Variants in CORO2A observed in about 807,000 individuals in gnomAD.
CORO2A encodes coronin 2A.
Under a neutral mutation model 62.4 loss-of-function variants are expected in CORO2A, and 47 were observed. That is an observed-to-expected ratio of 0.75 (90% CI 0.60 to 0.96). The LOEUF (loss-of-function observed/expected upper bound fraction) is 0.96, where lower values mean the gene tolerates loss of function less well. Ranked by LOEUF, CORO2A falls within the 40% of genes least tolerant of loss-of-function variation. CORO2A has a pLI of 0.00. For synonymous variants in CORO2A, 273 were observed against 268.9 expected, an observed-to-expected ratio of 1.02 and a Z score of -0.15; for missense variants, 610 against 684.1, an observed-to-expected ratio of 0.89 and a Z score of 1.21.
intron 2 of CORO2A, among the ~76,000 whole-genome samples, chr9:98,149,012 C>T (rs560624788): frequency 6.6e-6 from 1 of 152,144 alleles, no homozygotes; most frequent in African/African-American, 2.4e-5. Flanking sequence ...TGGAGGGGAA[C>T]AGATCTTTGT....
rs528218578 is a variant in CORO2A, at chr9:98,126,531, C to T, written c.1446+18G>A. The T allele has an allele frequency of 2.5e-6, 4 of 1,607,008 alleles. No individual in the cohort carries two copies. Among genetic ancestry groups the T allele is most frequent in the South Asian group, 2.2e-5 (2 of 90,432 alleles). Reference sequence around the variant, plus strand: ...CCAGCTGCCCCATGTGAAAGGCCCACCCCGTCCTCCTTCACACCTCATTCT... The same window carrying T: ...CCAGCTGCCCCATGTGAAAGGCCCATCCCGTCCTCCTTCACACCTCATTCT... On this transcript the variant is annotated intron_variant, in intron 11 of 11. Transcript: ENST00000375077.
chr9:98,161,654 G>C (rs910618704), intron 1 of CORO2A, among the ~76,000 whole-genome samples: 3 of 152,158 alleles, frequency 2.0e-5, no homozygotes, highest in Non-Finnish European at 4.4e-5. Flanking sequence ...GGAAAGGATA[G>C]AGCAGGTAAG....
chr9:98,159,926 C>A (rs1186946440), intron 1 of CORO2A, among the ~76,000 whole-genome samples: 2 of 152,170 alleles, frequency 1.3e-5, no homozygotes, highest in African/African-American at 2.4e-5. Context: ...AAGATGCTCA[C>A]CCAGCCCACA....
chr9:98,150,089 G>A (rs538026744), intron 2 of CORO2A, among the ~76,000 whole-genome samples: 47 of 152,004 alleles, frequency 3.1e-4, no homozygotes, highest in African/African-American at 8.7e-4. Flanking sequence ...CTGCCACCAC[G>A]CCCAACTAAT....
chr9:98,160,379 A>G (rs1442580885), intron 1 of CORO2A, among the ~76,000 whole-genome samples: 1 of 152,220 alleles, frequency 6.6e-6, no homozygotes, highest in Non-Finnish European at 1.5e-5. Context: ...GGTCCACCAC[A>G]CAGAGGAGGT....
At chr9:98,179,562 G>A (rs2118928454) in intron 1 of CORO2A, among the ~76,000 whole-genome samples, 1 of 152,280 alleles carries the variant, frequency 6.6e-6, no homozygotes, top group Admixed American at 6.5e-5. Flanking sequence ...TAGCTTCTCA[G>A]CTGGGGATTC....
At chr9:98,153,561 T>C (rs1341623268) in intron 2 of CORO2A, among the ~76,000 whole-genome samples, 1 of 151,880 alleles carries the variant, frequency 6.6e-6, no homozygotes, top group Non-Finnish European at 1.5e-5. Flanking sequence ...TGTGTACCAC[T>C]GTGCCCAGCT....
At chr9:98,132,367 G>C in intron 5 of CORO2A, 66 bp from the exon 6 acceptor site, 1 of 1,360,346 alleles carries the variant, frequency 7.4e-7, no homozygotes, top group South Asian at 1.2e-5. Context: ...GGGGTTTCTG[G>C]CCTCCCTGCT....
At chr9:98,163,662 G>C (rs1827918026) in intron 1 of CORO2A, among the ~76,000 whole-genome samples, 2 of 152,008 alleles carry the variant, frequency 1.3e-5, no homozygotes. Context: ...CTAGTTGAGA[G>C]ACCCCTCTTC....
At position 98,157,564 on chromosome 9, in the gene CORO2A, G is replaced by A. The variant is rs770982762; in HGVS notation, c.97C>T (p.Arg33Cys). The A allele has an allele frequency of 3.4e-5, 55 of 1,614,082 alleles. No individual in the cohort carries two copies. The highest frequency in any genetic ancestry group is 4.2e-5 in the Non-Finnish European group (49 of 1,180,046). The change falls in exon 2 of 12, where the codon CGC becomes TGC. Residue 33 changes from arginine to cysteine, a missense_variant. Coordinates refer to ENST00000375077, the MANE Select transcript of CORO2A (RefSeq NM_052820.4). The stretch of plus-strand genomic sequence containing the variant: ...CAGAAGTGGTTGTCGTGAACGCTGC[G>A]GGTGATAGGCACGGAGTCGTAGCAG... ...ENCYDSVPITRSVHDNHFCAV... is the reference protein window; with the variant it reads ...ENCYDSVPITCSVHDNHFCAV...
chr9:98,137,485 C>T lies in CORO2A; in HGVS notation c.318+87G>A, dbSNP rs535882922. ...CACCTCCGCGATGGAGTCAGGGGCA[C>T]CAGAGCCAAGAACAGGTACCATTCC... On this transcript the variant is annotated intron_variant, in intron 3 of 11. Transcript: ENST00000375077. The T allele has an allele frequency of 6.4e-6, 7 of 1,086,158 alleles. No individual in the cohort carries two copies. The East Asian group carries it at 1.7e-4, about 26-fold the overall frequency. 67.3% of individuals were successfully genotyped at this position (1,086,158 alleles called of 1,614,324 possible). A position where few individuals can be genotyped will look rare whatever the true frequency, so the allele number is the denominator to read the frequency against.
intron 1 of CORO2A, among the ~76,000 whole-genome samples, chr9:98,158,090 G>A (rs962952838): frequency 1.3e-5 from 2 of 152,168 alleles, no homozygotes; most frequent in African/African-American, 4.8e-5. Flanking sequence ...CTTATCAGCT[G>A]GATGGCAAGT....
chr9:98,131,101 G>A, intron 6 of CORO2A, 42 bp from the exon 7 acceptor site: 2 of 1,413,816 alleles, frequency 1.4e-6, no homozygotes, highest in Non-Finnish European at 2.0e-6. Context: ...GGTCACTCCT[G>A]GGGGCCCTCA....
intron 2 of CORO2A, among the ~76,000 whole-genome samples, chr9:98,138,409 C>T (rs1479667233): frequency 7.0e-6 from 1 of 142,124 alleles, no homozygotes; most frequent in Non-Finnish European, 1.5e-5. Flanking sequence ...GAAACTATGT[C>T]TCAAAAAAAA....
chr9:98,138,108 T>C (rs1204991958), intron 2 of CORO2A, among the ~76,000 whole-genome samples: 1 of 152,154 alleles, frequency 6.6e-6, no homozygotes, highest in East Asian at 1.9e-4. Flanking sequence ...CACTCCTAGG[T>C]CTATCTCCAT....
intron 1 of CORO2A, among the ~76,000 whole-genome samples, chr9:98,184,057 G>C (rs1217348129): frequency 6.6e-6 from 1 of 152,012 alleles, no homozygotes; most frequent in African/African-American, 2.4e-5. Flanking sequence ...TATACAGGAG[G>C]GTGTGTGTAG....
rs1425562068 is a variant in CORO2A, at chr9:98,137,697, C to T, written c.202-9G>A. ...GGGTCCAACTTCCCTGTCTGCAAGACAGTGCCCAGGAGGGTTGGGGAGGAG... is the reference window on the plus strand; with the variant it reads ...GGGTCCAACTTCCCTGTCTGCAAGATAGTGCCCAGGAGGGTTGGGGAGGAG... On this transcript the variant is annotated splice_polypyrimidine_tract_variant and intron_variant, in intron 2 of 11. Transcript: ENST00000375077. The T allele has an allele frequency of 6.2e-7, 1 of 1,608,590 alleles. No individual in the cohort carries two copies. The highest frequency in any genetic ancestry group is 1.7e-5 in the Admixed American group (1 of 60,004).
At chr9:98,174,058 G>C (rs1026812609) in intron 1 of CORO2A, among the ~76,000 whole-genome samples, 6 of 151,974 alleles carry the variant, frequency 3.9e-5, no homozygotes, top group African/African-American at 1.5e-4. Context: ...TGTGAGCCGA[G>C]ATTGCGCCAT....
intron 1 of CORO2A, among the ~76,000 whole-genome samples, chr9:98,175,665 C>A (rs1485419365): frequency 6.6e-6 from 1 of 152,182 alleles, no homozygotes; most frequent in Non-Finnish European, 1.5e-5. Flanking sequence ...TTACACAACA[C>A]AATCGCATGG....
Sources: gnomAD v4.1 joint callset for allele counts (sites outside exome capture counted in the v4.1 genomes callset) on GRCh38, gnomAD v4.1.1 for gene constraint, MANE v1.5 for transcripts, NCBI Gene and HGNC (gene_info 2026-07-23, HGNC 2026-07-21) for gene names.